MECOM: variants seen among roughly 807,000 people sequenced by gnomAD.
The protein encoded by MECOM is histone-lysine N-methyltransferase MECOM.
A neutral mutation model predicts 116.3 loss-of-function variants in MECOM; 13 were observed. The ratio of observed to expected loss-of-function variants is 0.11; its 90% CI spans 0.07 to 0.18. MECOM has a LOEUF of 0.18. Ranked by LOEUF, MECOM falls within the 10% of genes least tolerant of loss-of-function variation. MECOM has a pLI of 1.00. For synonymous variants in MECOM, 528 were observed against 535.2 expected, an observed-to-expected ratio of 0.99 and a Z score of 0.19; for missense variants, 1,299 against 1,509.0, an observed-to-expected ratio of 0.86 and a Z score of 2.31.
chr3:169,384,960 C>T (rs905811514), intron 1 of MECOM, among the ~76,000 whole-genome samples: 17 of 151,840 alleles, frequency 1.1e-4, no homozygotes, highest in African/African-American at 3.4e-4. Context: ...AAAAATTAGC[C>T]GGGCATAGTG....
At chr3:169,602,320 T>G (rs1767932430) in intron 1 of MECOM, among the ~76,000 whole-genome samples, 1 of 152,182 alleles carries the variant, frequency 6.6e-6, no homozygotes, top group African/African-American at 2.4e-5. Flanking sequence ...CTTAACCACC[T>G]AAATCTAAAT....
intron 6 of MECOM, among the ~76,000 whole-genome samples, chr3:169,121,562 C>G (rs1731037656): frequency 1.3e-5 from 2 of 152,076 alleles, no homozygotes; most frequent in African/African-American, 4.8e-5. Flanking sequence ...TATTTTCACC[C>G]TTTAAATAAA....
intron 1 of MECOM, among the ~76,000 whole-genome samples, chr3:169,574,924 C>T (rs866665682): frequency 6.6e-6 from 1 of 151,968 alleles, no homozygotes; most frequent in Non-Finnish European, 1.5e-5. Context: ...ATCTACAGAA[C>T]ACCCAAAAAG....
chr3:169,445,375 C>A (rs10936580), intron 1 of MECOM, among the ~76,000 whole-genome samples: 6,547 of 152,280 alleles, frequency 0.043, 449 homozygotes, highest in Admixed American at 0.19. Context: ...AAACATAGAG[C>A]TTGGGCTGTG....
chr3:169,640,170 CA>C (rs11328866), intron 1 of MECOM, among the ~76,000 whole-genome samples: 3,497 of 148,382 alleles, frequency 0.024, 129 homozygotes, highest in African/African-American at 0.086. Flanking sequence ...ATTTTTAATT[CA>C]AAAAAAATTA....
chr3:169,236,771 C>T (rs749763101), intron 2 of MECOM, among the ~76,000 whole-genome samples: 2 of 152,174 alleles, frequency 1.3e-5, no homozygotes, highest in Non-Finnish European at 2.9e-5. Context: ...ACAAGTGGCA[C>T]GTTATTATTA....
chr3:169,455,034 C>T (rs892565211), intron 1 of MECOM, among the ~76,000 whole-genome samples: 13 of 152,078 alleles, frequency 8.5e-5, no homozygotes, highest in Admixed American at 8.5e-4. Context: ...TGACTTACTA[C>T]GTGTTTTCCA....
At chr3:169,574,611 C>T (rs181538818) in intron 1 of MECOM, among the ~76,000 whole-genome samples, 436 of 152,208 alleles carry the variant, frequency 2.9e-3, no homozygotes, top group Non-Finnish European at 4.7e-3. Context: ...AGAGCAAAAC[C>T]GACTTTCTTC....
intron 1 of MECOM, among the ~76,000 whole-genome samples, chr3:169,643,672 A>G (rs1046702512): frequency 6.6e-6 from 1 of 152,240 alleles, no homozygotes; most frequent in Non-Finnish European, 1.5e-5. Context: ...CTTCAAAAAC[A>G]TTAACTGAGG....
At chr3:169,155,277 T>G (rs1396567454) in intron 2 of MECOM, among the ~76,000 whole-genome samples, 1 of 152,190 alleles carries the variant, frequency 6.6e-6, no homozygotes, top group African/African-American at 2.4e-5. Flanking sequence ...CCTCTCCAGA[T>G]AGCACAATAT....
Position 169,456,684 on chromosome 3 carries a change from G to A in MECOM, c.38-75160C>T, listed in dbSNP as rs116124687. On this transcript the variant is annotated intron_variant, in intron 1 of 16. Coordinates refer to ENST00000651503, the MANE Select transcript of MECOM (RefSeq NM_004991.4). Reference sequence around the variant, plus strand: ...GATTCAAATTCCCTGTCCTAGGGGAGGGACTTTGCACCATTCCAGAGGTGC... The same window carrying A: ...GATTCAAATTCCCTGTCCTAGGGGAAGGACTTTGCACCATTCCAGAGGTGC... Among the ~76,000 whole-genome samples the A allele has an allele frequency of 7.4e-3, 1,121 of 152,206 alleles. 12 individuals carry two copies. Among genetic ancestry groups the A allele is most frequent in the African/African-American group, 0.025 (1,045 of 41,534 alleles).
At chr3:169,368,000 G>T (rs1729473069) in intron 2 of MECOM, among the ~76,000 whole-genome samples, 2 of 151,956 alleles carry the variant, frequency 1.3e-5, no homozygotes, top group South Asian at 4.2e-4. Flanking sequence ...TTAAACAAAG[G>T]TACTGTCAAA....
At position 169,381,377 on chromosome 3, in the gene MECOM, G is replaced by A. The variant is rs867856609; in HGVS notation, c.185C>T (p.Ser62Phe). ...GATGTAGATGGGGGCTTTGTAAGGA[G>A]AACCCTCCTTTGGAGTGAATGCTTC... is the stretch of plus-strand genomic sequence containing the variant. ...SSEAFTPKEG[S>F]PYKAPIYIPD... is the part of the protein sequence containing the mutation. Residue 62 changes from serine to phenylalanine, a missense_variant, in exon 2 of 17, where the codon TCT becomes TTT. By Grantham distance (155) the Ser-to-Phe change is radical. This residue lies in a region of MECOM where 374 missense variants were observed against 433.4 expected (regional missense o/e 0.86). Coordinates refer to ENST00000651503, the MANE Select transcript of MECOM (RefSeq NM_004991.4). 1.2e-6 allele frequency: 2 copies of A among 1,613,924 alleles called. No individual in the cohort carries two copies. Among genetic ancestry groups the A allele is most frequent in the Non-Finnish European group, 1.7e-6 (2 of 1,179,824 alleles).
intron 2 of MECOM, among the ~76,000 whole-genome samples, chr3:169,251,404 T>C (rs1274076423): frequency 6.6e-6 from 1 of 152,192 alleles, no homozygotes; most frequent in African/African-American, 2.4e-5. Flanking sequence ...AAGGTGGTCT[T>C]TGCTAGGGGG....
At chr3:169,639,099 C>T (rs1218981760) in intron 1 of MECOM, among the ~76,000 whole-genome samples, 1 of 152,068 alleles carries the variant, frequency 6.6e-6, no homozygotes, top group East Asian at 1.9e-4. Context: ...TAGCAACACC[C>T]ATATCAGTCT....
chr3:169,659,723 G>C (rs1776029305), intron 1 of MECOM, among the ~76,000 whole-genome samples: 1 of 152,052 alleles, frequency 6.6e-6, no homozygotes, highest in Non-Finnish European at 1.5e-5. Flanking sequence ...AAGTAGGTGG[G>C]CATACAGAGA....
chr3:169,087,105 C>A (rs576232457), intron 16 of MECOM, among the ~76,000 whole-genome samples: 1 of 152,064 alleles, frequency 6.6e-6, no homozygotes, highest in African/African-American at 2.4e-5. Flanking sequence ...TTTCTTATAA[C>A]AGTAACAGTC....
At chr3:169,484,057 C>T (rs938219555) in intron 1 of MECOM, 5 of 1,100,662 alleles carry the variant, frequency 4.5e-6, no homozygotes, top group Non-Finnish European at 6.8e-6. Flanking sequence ...GAAAGTACAA[C>T]CTATAGCTAC....
intron 2 of MECOM, among the ~76,000 whole-genome samples, chr3:169,375,688 T>G (rs1414064065): frequency 6.6e-6 from 1 of 152,094 alleles, no homozygotes; most frequent in Admixed American, 6.6e-5. Flanking sequence ...CAGTAATTAA[T>G]AGTCTACCAA....
Sources: allele counts gnomAD v4.1 joint callset (sites outside exome capture counted in the v4.1 genomes callset), GRCh38; gene constraint gnomAD v4.1.1; regional missense constraint gnomAD v4.1.1; transcripts MANE v1.5; gene names NCBI Gene and HGNC (gene_info 2026-07-23, HGNC 2026-07-21).